ADARB1: variants seen among roughly 807,000 people sequenced by gnomAD.
ADARB1 encodes double-stranded RNA-specific editase 1.
A neutral mutation model predicts 52.4 loss-of-function variants in ADARB1; 10 were observed. That is an observed-to-expected ratio of 0.19 (90% CI 0.12 to 0.32). The LOEUF (loss-of-function observed/expected upper bound fraction) is 0.32. ADARB1 is among the 10% of genes least tolerant of loss of function. The pLI, the probability that ADARB1 is intolerant of heterozygous loss-of-function variation, is 1.00. For missense variants in ADARB1, 643 were observed against 922.3 expected (o/e 0.70, Z 3.92); for synonymous variants, 349 against 371.1 (o/e 0.94, Z 0.68).
chr21:45,173,223 G>A (rs1008899090), intron 3 of ADARB1, among the ~76,000 whole-genome samples: 4 of 152,194 alleles, frequency 2.6e-5, no homozygotes, highest in Admixed American at 6.5e-5. Flanking sequence ...GTGCTAAAAC[G>A]TGGACATTCT....
At chr21:45,179,499 A>G (rs898298936) in intron 4 of ADARB1, among the ~76,000 whole-genome samples, 2 of 152,226 alleles carry the variant, frequency 1.3e-5, no homozygotes, top group African/African-American at 2.4e-5. Flanking sequence ...CCAAAATGCC[A>G]TGGGCTCATT....
At chr21:45,161,438 C>T (rs1275572328) in intron 2 of ADARB1, among the ~76,000 whole-genome samples, 2 of 152,252 alleles carry the variant, frequency 1.3e-5, no homozygotes, top group Admixed American at 6.5e-5. Context: ...AGCTGGGACA[C>T]TGTCACAACC....
chr21:45,083,313 C>A (rs1161864889), intron 1 of ADARB1, among the ~76,000 whole-genome samples: 1 of 152,236 alleles, frequency 6.6e-6, no homozygotes, highest in Non-Finnish European at 1.5e-5. Context: ...ACTGCCCCCC[C>A]ATCCTATTGT....
chr21:45,212,516 G>T (rs2092788642), intron 9 of ADARB1, among the ~76,000 whole-genome samples: 1 of 152,120 alleles, frequency 6.6e-6, no homozygotes, highest in African/African-American at 2.4e-5. Flanking sequence ...GTAAATGCAG[G>T]AACAGTGACC....
Position 45,176,557 on chromosome 21 carries a change from G to A in ADARB1, c.856G>A (p.Ala286Thr). The change falls in exon 4 of 11, where the codon GCC becomes ACC. Residue 286 changes from alanine to threonine, a missense_variant. Around this residue, in one of 2 missense-constraint regions of ADARB1, gnomAD observed 380 missense variants for 446.5 expected, o/e 0.85. Transcript: ENST00000348831. The surrounding 1 kb of genome is among the most constrained non-coding windows in gnomAD (Gnocchi z 5.8). Reference sequence around the variant, plus strand: ...GGGGAGAAACAAGAAGCTTGCCAAGGCCCGGGCTGCGCAGTCTGCCCTGGC... The same window carrying A: ...GGGGAGAAACAAGAAGCTTGCCAAGACCCGGGCTGCGCAGTCTGCCCTGGC... ...GSGRNKKLAK[A>T]RAAQSALAAI... 6.2e-7 allele frequency: 1 copy of A among 1,614,218 alleles called. No individual in the cohort carries two copies. Among genetic ancestry groups the A allele is most frequent in the South Asian group, 1.1e-5 (1 of 91,082 alleles).
chr21:45,203,407 TA>T (rs2092602930), intron 8 of ADARB1, among the ~76,000 whole-genome samples: 1 of 152,222 alleles, frequency 6.6e-6, no homozygotes, highest in Non-Finnish European at 1.5e-5. Flanking sequence ...CCTCAATTTA[TA>T]GTTCTTCATT....
chr21:45,098,168 C>T (rs1212414652), intron 1 of ADARB1, among the ~76,000 whole-genome samples: 3 of 152,190 alleles, frequency 2.0e-5, no homozygotes, highest in African/African-American at 7.2e-5. Flanking sequence ...CAAGTCATTC[C>T]TGCCCTGTGC....
intron 1 of ADARB1, among the ~76,000 whole-genome samples, chr21:45,107,369 C>T (rs1250266210): frequency 1.3e-5 from 2 of 151,124 alleles, no homozygotes; most frequent in Non-Finnish European, 2.9e-5. Flanking sequence ...CTGGACATGT[C>T]GATTCTAAAA....
At chr21:45,182,446 A>G in intron 5 of ADARB1, 139 bp from the exon 6 acceptor site, 1 of 842,598 alleles carries the variant, frequency 1.2e-6, no homozygotes, top group East Asian at 2.8e-5. Context: ...TGGTAAGAAT[A>G]TGCATGAAGA....
chr21:45,098,529 C>T (rs755046365), intron 1 of ADARB1, among the ~76,000 whole-genome samples: 49 of 152,198 alleles, frequency 3.2e-4, no homozygotes, highest in Non-Finnish European at 2.1e-4. Context: ...TCTAGGTTCT[C>T]AGTGGAGGGT....
At chr21:45,118,416 G>C (rs2087948855) in intron 1 of ADARB1, 1 of 152,180 alleles carries the variant, frequency 6.6e-6, no homozygotes, top group Admixed American at 6.5e-5. Flanking sequence ...AGAATGGATG[G>C]CTGACAGACT....
chr21:45,213,555 C>T (rs1427628259), intron 9 of ADARB1, among the ~76,000 whole-genome samples: 1 of 152,222 alleles, frequency 6.6e-6, no homozygotes, highest in Non-Finnish European at 1.5e-5. Context: ...ATCCCTCCCT[C>T]TCCCCGATCC....
rs2092948556 is a variant in ADARB1, at chr21:45,220,716, C to T, written c.1748-120C>T. 2.0e-5 allele frequency: 22 copies of T among 1,079,040 alleles called. 1 individual carries two copies. The South Asian group carries it at 3.2e-4, about 16-fold the overall frequency. 66.8% of individuals were successfully genotyped at this position (1,079,040 alleles called of 1,614,324 possible). ...AAGTCTGCGTATATTCCTCGGCAGG[C>T]AGAATTCCCCCACCACGCACTTCTG... On this transcript the variant is annotated intron_variant, in intron 9 of 10. Coordinates refer to ENST00000348831, the MANE Select transcript of ADARB1 (RefSeq NM_001112.4). The surrounding 1 kb of genome is among the most constrained non-coding windows in gnomAD (Gnocchi z 6.3).
chr21:45,151,348 C>T (rs778517343), intron 2 of ADARB1, among the ~76,000 whole-genome samples: 1 of 152,188 alleles, frequency 6.6e-6, no homozygotes, highest in Non-Finnish European at 1.5e-5. Flanking sequence ...GCATAATTTC[C>T]TTAGGTGCCA....
intron 2 of ADARB1, among the ~76,000 whole-genome samples, chr21:45,152,413 T>TG (rs967704039): frequency 1.6e-4 from 24 of 152,312 alleles, no homozygotes; most frequent in African/African-American, 5.8e-4. Flanking sequence ...TTGTGGTGTG[T>TG]GGGCCCCTTC....
chr21:45,092,287 T>A (rs1165879069), intron 1 of ADARB1, among the ~76,000 whole-genome samples: 3 of 152,234 alleles, frequency 2.0e-5, no homozygotes, highest in Admixed American at 2.0e-4. Context: ...AACTGGAATC[T>A]CTGTTGAGGA....
chr21:45,224,478 G>A lies in ADARB1; in HGVS notation c.*2281G>A. Reference sequence around the variant, plus strand: ...AGGAGGAAGGCAGCCAAGGCAACTGGGTTCTGGGAGCCCTGGGTGGGGCAG... The same window carrying A: ...AGGAGGAAGGCAGCCAAGGCAACTGAGTTCTGGGAGCCCTGGGTGGGGCAG... On this transcript the variant is annotated 3_prime_UTR_variant, in exon 11 of 11. Coordinates refer to ENST00000348831, the MANE Select transcript of ADARB1 (RefSeq NM_001112.4). 1.1e-6 allele frequency: 1 copy of A among 909,290 alleles called. No homozygotes were observed. The highest frequency in any genetic ancestry group is 1.3e-6 in the Non-Finnish European group (1 of 795,936). 56.3% of individuals were successfully genotyped at this position (909,290 alleles called of 1,614,324 possible).
intron 4 of ADARB1, among the ~76,000 whole-genome samples, chr21:45,179,844 A>G (rs1033703761): frequency 2.0e-5 from 3 of 151,012 alleles, no homozygotes; most frequent in Non-Finnish European, 4.4e-5. Flanking sequence ...CTTGCCTTTG[A>G]TTTTGCACAT....
chr21:45,217,754 G>A (rs973722733), intron 9 of ADARB1, among the ~76,000 whole-genome samples: 55 of 152,068 alleles, frequency 3.6e-4, no homozygotes, highest in Non-Finnish European at 3.5e-4. Flanking sequence ...GTCTTCTGAT[G>A]ATGAATTATT....
Sources: gnomAD v4.1 joint callset for allele counts (sites outside exome capture counted in the v4.1 genomes callset) on GRCh38, gnomAD v4.1.1 for gene constraint, gnomAD v4.1.1 regional missense constraint, Gnocchi (gnomAD v3.1) non-coding constraint, MANE v1.5 for transcripts, NCBI Gene and HGNC (gene_info 2026-07-23, HGNC 2026-07-21) for gene names.